CNTNAP2: variants seen among roughly 807,000 people sequenced by gnomAD.
CNTNAP2 encodes contactin associated protein 2, also known as contactin-associated protein-like 2.
In CNTNAP2, 98 loss-of-function variants were observed where a neutral mutation model predicts 155.2. The observed-to-expected ratio is 0.63, with a 90% CI of 0.54 to 0.75. CNTNAP2 has a LOEUF of 0.75. Among genes scored for constraint, CNTNAP2 ranks in the 30% least tolerant of loss-of-function variants. The probability of loss-of-function intolerance (pLI) is 0.00; values close to 1 mark genes in which losing one functional copy is unlikely to be tolerated. For missense variants in CNTNAP2, 1,727 were observed against 1,688.1 expected (o/e 1.02, Z -0.40); for synonymous variants, 651 against 631.2 (o/e 1.03, Z -0.47).
chr7:146,448,985 A>G (rs1796441088), intron 1 of CNTNAP2, among the ~76,000 whole-genome samples: 1 of 152,040 alleles, frequency 6.6e-6, no homozygotes, highest in South Asian at 2.1e-4. Context: ...ACAGTGCCAC[A>G]GCTCCCTAAG....
intron 13 of CNTNAP2, among the ~76,000 whole-genome samples, chr7:147,790,234 C>A (rs1797799647): frequency 6.6e-6 from 1 of 152,086 alleles, no homozygotes; most frequent in African/African-American, 2.4e-5. Context: ...CACCCCAGCA[C>A]CCCTCCAGCC....
intron 1 of CNTNAP2, among the ~76,000 whole-genome samples, chr7:146,747,109 T>G (rs1217226697): frequency 1.3e-5 from 2 of 152,150 alleles, no homozygotes; most frequent in East Asian, 3.8e-4. Context: ...TTGAATGTGT[T>G]AAACTTTTAA....
intron 8 of CNTNAP2, among the ~76,000 whole-genome samples, chr7:147,200,495 T>A (rs1802900681): frequency 6.6e-6 from 1 of 152,092 alleles, no homozygotes; most frequent in Non-Finnish European, 1.5e-5. Flanking sequence ...GAAACCACAA[T>A]CCTTTAAAAA....
chr7:148,203,781 C>G (rs1191850017), intron 18 of CNTNAP2, among the ~76,000 whole-genome samples: 2 of 152,012 alleles, frequency 1.3e-5, no homozygotes, highest in African/African-American at 4.8e-5. Flanking sequence ...AAAAGAATTT[C>G]TAAGTCTGGT....
At chr7:146,340,540 G>A (rs1283105399) in intron 1 of CNTNAP2, among the ~76,000 whole-genome samples, 1 of 151,902 alleles carries the variant, frequency 6.6e-6, no homozygotes, top group African/African-American at 2.4e-5. Flanking sequence ...ACCAAGTATT[G>A]CATGGGTCTT....
At chr7:146,979,956 A>C (rs1410638346) in intron 3 of CNTNAP2, among the ~76,000 whole-genome samples, 2 of 152,190 alleles carry the variant, frequency 1.3e-5, no homozygotes, top group Non-Finnish European at 2.9e-5. Flanking sequence ...TGGCTTTGAC[A>C]TTACTTTTAA....
At chr7:148,265,766 C>A (rs1796657817) in intron 20 of CNTNAP2, among the ~76,000 whole-genome samples, 1 of 152,056 alleles carries the variant, frequency 6.6e-6, no homozygotes, top group African/African-American at 2.4e-5. Flanking sequence ...ATGTGAGGAC[C>A]CTTTGACTCT....
At chr7:147,992,352 T>C (rs538745904) in intron 15 of CNTNAP2, among the ~76,000 whole-genome samples, 1 of 152,112 alleles carries the variant, frequency 6.6e-6, no homozygotes, top group South Asian at 2.1e-4. Flanking sequence ...CCTTAAGTGA[T>C]CTGCCCACCT....
At chr7:146,416,331 C>T (rs980483724) in intron 1 of CNTNAP2, among the ~76,000 whole-genome samples, 4 of 151,504 alleles carry the variant, frequency 2.6e-5, no homozygotes, top group African/African-American at 4.8e-5. Flanking sequence ...ATGTTAAGGA[C>T]GTACATCCAC....
intron 15 of CNTNAP2, among the ~76,000 whole-genome samples, chr7:148,068,219 A>G (rs1803307544): frequency 6.6e-6 from 1 of 152,048 alleles, no homozygotes; most frequent in Non-Finnish European, 1.5e-5. Flanking sequence ...GGTCAAAATT[A>G]TTACAAAGTT....
At chr7:147,578,857 T>G (rs940936937) in intron 12 of CNTNAP2, among the ~76,000 whole-genome samples, 5 of 146,466 alleles carry the variant, frequency 3.4e-5, no homozygotes, top group African/African-American at 1.4e-4. Context: ...TTTCCGTCTT[T>G]TGCCTTCTCT....
intron 21 of CNTNAP2, among the ~76,000 whole-genome samples, chr7:148,379,598 G>A (rs1379688043): frequency 1.3e-5 from 2 of 152,122 alleles, no homozygotes; most frequent in Non-Finnish European, 2.9e-5. Context: ...TGTGGTTCCA[G>A]CTACTCAAAG....
intron 21 of CNTNAP2, among the ~76,000 whole-genome samples, chr7:148,271,434 T>A (rs1796777174): frequency 6.6e-6 from 1 of 152,112 alleles, no homozygotes; most frequent in Admixed American, 6.6e-5. Context: ...TGCTAAATGT[T>A]CCCCAGGAGG....
intron 21 of CNTNAP2, among the ~76,000 whole-genome samples, chr7:148,302,960 A>C (rs1199211360): frequency 6.6e-6 from 1 of 151,630 alleles, no homozygotes; most frequent in Non-Finnish European, 1.5e-5. Flanking sequence ...CTTGGATTAC[A>C]GGCGCCTACT....
At chr7:147,568,024 T>C (rs1400522323) in intron 12 of CNTNAP2, among the ~76,000 whole-genome samples, 1 of 152,084 alleles carries the variant, frequency 6.6e-6, no homozygotes, top group Non-Finnish European at 1.5e-5. Context: ...GGGCAGAGGT[T>C]CCAGTGAGCC....
chr7:146,404,224 C>G (rs191386493), intron 1 of CNTNAP2, among the ~76,000 whole-genome samples: 10 of 151,210 alleles, frequency 6.6e-5, no homozygotes, highest in African/African-American at 1.2e-4. Flanking sequence ...CTCTTTCTTT[C>G]TCACTCTTTT....
intron 3 of CNTNAP2, among the ~76,000 whole-genome samples, chr7:146,962,604 G>A (rs749546853): frequency 2.0e-5 from 3 of 152,190 alleles, no homozygotes; most frequent in East Asian, 1.9e-4. Flanking sequence ...AGGCTGGAGT[G>A]CAGTGGCACG....
At chr7:146,750,378 C>A (rs1257154092) in intron 1 of CNTNAP2, among the ~76,000 whole-genome samples, 1 of 152,150 alleles carries the variant, frequency 6.6e-6, no homozygotes, top group Non-Finnish European at 1.5e-5. Flanking sequence ...ACTCGTCTTA[C>A]AATCATTAAT....
chr7:147,382,991 C>G (rs1227205696), intron 9 of CNTNAP2, among the ~76,000 whole-genome samples: 1 of 152,108 alleles, frequency 6.6e-6, no homozygotes, highest in East Asian at 1.9e-4. Context: ...AGTTTATCTT[C>G]CTAATGAGAT....
Sources: allele counts gnomAD v4.1 joint callset (sites outside exome capture counted in the v4.1 genomes callset), GRCh38; gene constraint gnomAD v4.1.1; transcripts MANE v1.5; gene names NCBI Gene and HGNC (gene_info 2026-07-23, HGNC 2026-07-21).